DOCK9: variants seen among roughly 807,000 people sequenced by gnomAD.
DOCK9 encodes dedicator of cytokinesis protein 9.
Under a neutral mutation model 263.3 loss-of-function variants are expected in DOCK9, and 89 were observed. The ratio of observed to expected loss-of-function variants is 0.34; its 90% CI spans 0.28 to 0.40. DOCK9 has a LOEUF of 0.40. Ranked by LOEUF, DOCK9 falls within the 10% of genes least tolerant of loss-of-function variation. DOCK9 has a pLI of 1.00. For missense variants in DOCK9, 2,140 were observed against 2,603.4 expected, an observed-to-expected ratio of 0.82 and a Z score of 3.87; for synonymous variants, 976 against 973.1, an observed-to-expected ratio of 1.00 and a Z score of -0.06.
intron 1 of DOCK9, among the ~76,000 whole-genome samples, chr13:98,965,650 G>A (rs780337102): frequency 5.3e-5 from 8 of 152,156 alleles, no homozygotes; most frequent in Non-Finnish European, 8.8e-5. Context: ...CATTGACAAT[G>A]TGCATACACA....
At chr13:99,085,489 T>C (rs2042292542) in intron 1 of DOCK9, among the ~76,000 whole-genome samples, 1 of 152,190 alleles carries the variant, frequency 6.6e-6, no homozygotes, top group Non-Finnish European at 1.5e-5. Context: ...AAACTTCATC[T>C]TCCTCACACC....
At chr13:98,918,053 G>A (rs910148528) in intron 7 of DOCK9, among the ~76,000 whole-genome samples, 3 of 152,218 alleles carry the variant, frequency 2.0e-5, no homozygotes, top group African/African-American at 7.2e-5. Context: ...GGAAGAAACA[G>A]GATCTGGACT....
intron 1 of DOCK9, among the ~76,000 whole-genome samples, chr13:98,992,324 A>G (rs1196345814): frequency 1.3e-5 from 2 of 152,084 alleles, no homozygotes; most frequent in East Asian, 3.9e-4. Context: ...GAAGACCCAG[A>G]TGGTCTATGT....
chr13:98,957,984 C>A (rs71437981), intron 1 of DOCK9, among the ~76,000 whole-genome samples: 6,751 of 152,330 alleles, frequency 0.044, 205 homozygotes, highest in Middle Eastern at 0.1. Flanking sequence ...CAGCTGGGTG[C>A]AGCCCCCTTG....
At chr13:98,987,039 G>T (rs2141662388) in intron 1 of DOCK9, among the ~76,000 whole-genome samples, 1 of 151,866 alleles carries the variant, frequency 6.6e-6, no homozygotes, top group South Asian at 2.1e-4. Flanking sequence ...AAGACCAAAG[G>T]TCACTGCAGC....
chr13:98,822,752 C>T (rs1364110452), intron 45 of DOCK9, among the ~76,000 whole-genome samples: 1 of 152,190 alleles, frequency 6.6e-6, no homozygotes, highest in Admixed American at 6.5e-5. Flanking sequence ...GTTAAAACCA[C>T]GTAATAACCA....
At chr13:99,087,165 C>T (rs1389890865), upstream of DOCK9, among the ~76,000 whole-genome samples, 1 of 152,062 alleles carries the variant, frequency 6.6e-6, no homozygotes, top group African/African-American at 2.4e-5. Flanking sequence ...AGCGTCCCTG[C>T]TCGGAACCTG....
chr13:99,014,248 G>A (rs754640007), intron 1 of DOCK9, among the ~76,000 whole-genome samples: 45 of 152,224 alleles, frequency 3.0e-4, no homozygotes, highest in Non-Finnish European at 4.6e-4. Flanking sequence ...TCTGGTTATG[G>A]ATACACTAAT....
intron 3 of DOCK9, among the ~76,000 whole-genome samples, chr13:98,928,066 T>C (rs2053322954): frequency 6.7e-6 from 1 of 149,732 alleles, no homozygotes; most frequent in Admixed American, 6.7e-5. Context: ...TAGAGATTCA[T>C]TGATTTAACA....
At chr13:99,048,567 A>C (rs2040544145) in intron 1 of DOCK9, among the ~76,000 whole-genome samples, 1 of 152,168 alleles carries the variant, frequency 6.6e-6, no homozygotes, top group African/African-American at 2.4e-5. Context: ...ATTCCCTTCC[A>C]TATTTTGGTG....
chr13:98,898,470 A>G (rs1013150479), intron 13 of DOCK9, among the ~76,000 whole-genome samples: 1 of 152,246 alleles, frequency 6.6e-6, no homozygotes, highest in Admixed American at 6.5e-5. Context: ...ATTCTCAAAG[A>G]ATACAGAACG....
At chr13:99,006,205 C>A (rs1006503215) in intron 1 of DOCK9, among the ~76,000 whole-genome samples, 2 of 152,186 alleles carry the variant, frequency 1.3e-5, no homozygotes, top group African/African-American at 2.4e-5. Flanking sequence ...GTTTCTCAAA[C>A]TGGCAAAAAT....
chr13:99,069,624 G>A (rs1054246692), intron 1 of DOCK9, among the ~76,000 whole-genome samples: 2 of 152,176 alleles, frequency 1.3e-5, no homozygotes, highest in African/African-American at 4.8e-5. Flanking sequence ...TTTATCCATG[G>A]CTGATCTCAT....
chr13:98,978,700 G>A (rs1211001828), upstream of DOCK9, among the ~76,000 whole-genome samples: 3 of 152,132 alleles, frequency 2.0e-5, no homozygotes, highest in African/African-American at 7.2e-5. Context: ...GTGCTGAGAG[G>A]ATCATACTAA....
chr13:98,850,805 C>T (rs964946723), intron 35 of DOCK9, among the ~76,000 whole-genome samples: 1 of 152,196 alleles, frequency 6.6e-6, no homozygotes, highest in African/African-American at 2.4e-5. Flanking sequence ...TGCATTTAAA[C>T]CTCTGTGTGA....
intron 1 of DOCK9, among the ~76,000 whole-genome samples, chr13:98,968,306 A>C (rs955482823): frequency 1.5e-4 from 23 of 152,078 alleles, no homozygotes; most frequent in African/African-American, 5.1e-4. Flanking sequence ...TTTTCTTTTT[A>C]CTTTAACTTG....
chr13:98,956,507 A>G (rs1244038509), intron 1 of DOCK9, among the ~76,000 whole-genome samples: 3 of 152,220 alleles, frequency 2.0e-5, no homozygotes, highest in Middle Eastern at 3.4e-3. Flanking sequence ...CAGCACTTTG[A>G]GGGCCGAGAT....
Position 98,915,491 on chromosome 13 carries a change from T to C in DOCK9, c.730A>G (p.Arg244Gly). The change falls in exon 8 of 53, where the codon AGG (arginine) becomes GGG (glycine). Residue 244 changes from arginine (R) to glycine (G), a missense_variant. Physicochemically the swap from Arg to Gly is moderately radical, Grantham distance 125 (BLOSUM62 -2). Coordinates refer to ENST00000682017, the MANE Select transcript of DOCK9 (RefSeq NM_001366683.2). The stretch of plus-strand genomic sequence containing the variant: ...ATCTTGAGCTCAAAAGCAAAACGCC[T>C]GACTTTGTTGTTCTGAAATGAAAAA... ...CMGVVQNNKV[R>G]RFAFELKMQD... 4 of 1,611,598 alleles carry C rather than the reference T, an allele frequency of 2.5e-6. No individual in the cohort carries two copies. Among genetic ancestry groups the C allele is most frequent in the Non-Finnish European group, 3.4e-6 (4 of 1,179,220 alleles).
upstream of DOCK9, among the ~76,000 whole-genome samples, chr13:99,087,483 G>A (rs1403591028): frequency 2.0e-5 from 3 of 152,136 alleles, no homozygotes; most frequent in Admixed American, 6.5e-5. Flanking sequence ...GGGTACCAGG[G>A]AAACTGCGAT....
Sources: allele counts gnomAD v4.1 joint callset (sites outside exome capture counted in the v4.1 genomes callset), GRCh38; gene constraint gnomAD v4.1.1; transcripts MANE v1.5; gene names NCBI Gene and HGNC (gene_info 2026-07-23, HGNC 2026-07-21).